STIM1: variants seen among roughly 807,000 people sequenced by gnomAD.
STIM1 encodes stromal interaction molecule 1.
Under a neutral mutation model 74.7 loss-of-function variants are expected in STIM1, and 25 were observed. That is an observed-to-expected ratio of 0.33 (90% confidence interval 0.24 to 0.47). STIM1 has a LOEUF of 0.47. Among genes scored for constraint, STIM1 ranks in the 20% least tolerant of loss-of-function variants. The pLI, the probability that STIM1 is intolerant of heterozygous loss-of-function variation, is 1.00. For synonymous variants in STIM1, 328 were observed against 348.8 expected (o/e 0.94, Z 0.66); for missense variants, 728 against 920.8 (o/e 0.79, Z 2.71).
intron 1 of STIM1, among the ~76,000 whole-genome samples, chr11:3,857,207 G>T (rs1445690339): frequency 1.3e-5 from 2 of 148,404 alleles, no homozygotes; most frequent in African/African-American, 5.0e-5. Context: ...TTATCAGGCA[G>T]CAGGAGCCCT....
At chr11:4,088,870 A>G in intron 12 of STIM1, 1 of 892,256 alleles carries the variant, frequency 1.1e-6, no homozygotes, top group Non-Finnish European at 1.7e-6. Context: ...ATATCTCCCT[A>G]GGCTTCCTCC....
intron 2 of STIM1, among the ~76,000 whole-genome samples, chr11:4,007,737 A>G (rs1345571905): frequency 6.6e-6 from 1 of 152,230 alleles, no homozygotes; most frequent in African/African-American, 2.4e-5. Context: ...TTTAGTGTAC[A>G]ACAGGAATTA....
chr11:4,060,966 A>G (rs2094326695), intron 5 of STIM1, among the ~76,000 whole-genome samples: 1 of 152,156 alleles, frequency 6.6e-6, no homozygotes, highest in South Asian at 2.1e-4. Context: ...CAGCTTACAC[A>G]TCTCTTTGTA....
chr11:3,865,197 C>G (rs1263421484), intron 1 of STIM1, among the ~76,000 whole-genome samples: 1 of 152,170 alleles, frequency 6.6e-6, no homozygotes, highest in Non-Finnish European at 1.5e-5. Flanking sequence ...GACTGAAATC[C>G]TAGTATGTGA....
In STIM1 at chr11:4,024,120, A is replaced by G. The variant is rs1590656911; in HGVS notation, c.385+133A>G. 8 of 732,446 alleles carry G rather than the reference A, an allele frequency of 1.1e-5. No individual in the cohort carries two copies. In the Middle Eastern group the frequency reaches 1.8e-3, roughly 165 times the overall value. The allele number at this position is 732,446 out of a possible 1,614,324, so 45.4% of individuals were successfully genotyped here. A position where few individuals can be genotyped will look rare whatever the true frequency, so the allele number is the denominator to read the frequency against. On this transcript the variant is annotated intron_variant, in intron 3 of 12. Transcript: ENST00000526596. Reference sequence around the variant, plus strand: ...AAATTATTGAAGTTATTCTACATATAGTCACTAAAAAAGACTGAATATAGT... The same window carrying G: ...AAATTATTGAAGTTATTCTACATATGGTCACTAAAAAAGACTGAATATAGT...
At chr11:3,987,010 T>A (rs936794978) in intron 2 of STIM1, among the ~76,000 whole-genome samples, 1 of 152,194 alleles carries the variant, frequency 6.6e-6, no homozygotes, top group African/African-American at 2.4e-5. Flanking sequence ...CTTGGTGTCT[T>A]GAGGAGGCAG....
chr11:4,012,397 C>T (rs1371603929), intron 2 of STIM1, among the ~76,000 whole-genome samples: 2 of 152,132 alleles, frequency 1.3e-5, no homozygotes, highest in African/African-American at 2.4e-5. Context: ...TCTTTTATTT[C>T]GTTGAGCAGT....
At chr11:4,076,724 T>C (rs79216496) in intron 7 of STIM1, among the ~76,000 whole-genome samples, 6,813 of 145,874 alleles carry the variant, frequency 0.047, 469 homozygotes, top group African/African-American at 0.15. Context: ...AGGAATCTCT[T>C]TTTTTTTTTT....
rs866927925 is a variant in STIM1, at chr11:3,892,882, A to C, written c.139+36473A>C. 17 of 1,550,980 alleles carry C rather than the reference A, an allele frequency of 1.1e-5. No individual in the cohort carries two copies. In the Middle Eastern group the frequency reaches 1.0e-3, roughly 92 times the overall value. On this transcript the variant is annotated intron_variant, in intron 1 of 12. Transcript: ENST00000526596. ...CAATGTCGAAGAACACGGTGGGGTT[A>C]ACCACGGCTGATAGTACGGGGCTCC...
Position 4,034,098 on chromosome 11 carries a change from G to A in STIM1, c.385+10111G>A, listed in dbSNP as rs925324712. ...ACAAAAATTAGCTGGTTGTGGTGGC[G>A]GGCGCCTGTAATCCCAGCTACTTGG... On this transcript the variant is annotated intron_variant, in intron 3 of 12. Transcript: ENST00000526596. Among the ~76,000 whole-genome samples the A allele has an allele frequency of 8.6e-5, 13 of 151,478 alleles. No homozygotes were observed. The East Asian group carries it at 1.6e-3, about 18-fold the overall frequency.
chr11:3,970,541 G>GC (rs2093382907), intron 2 of STIM1, among the ~76,000 whole-genome samples: 2 of 132,796 alleles, frequency 1.5e-5, no homozygotes, highest in African/African-American at 5.4e-5. Context: ...AGGACCTGAA[G>GC]GGTTTTTTTT....
intron 1 of STIM1, among the ~76,000 whole-genome samples, chr11:3,926,299 A>G (rs1397297108): frequency 6.6e-6 from 1 of 152,238 alleles, no homozygotes; most frequent in Non-Finnish European, 1.5e-5. Context: ...AGGAAAACTC[A>G]TATGTGGTAA....
At chr11:4,059,501 G>T in intron 5 of STIM1, 105 bp downstream of exon 5, 1 of 842,972 alleles carries the variant, frequency 1.2e-6, no homozygotes, top group Non-Finnish European at 2.0e-6. Context: ...ACACCTGCAA[G>T]ATAGCACCTA....
intron 12 of STIM1, 124 bp from the exon 13 acceptor site, chr11:4,091,158 G>A (rs533129437): frequency 1.9e-5 from 26 of 1,342,352 alleles, no homozygotes; most frequent in Middle Eastern, 2.3e-4. Flanking sequence ...CTCTCCTGCC[G>A]CTCTATCCCC....
At chr11:4,016,771 C>T (rs1439953450) in intron 2 of STIM1, among the ~76,000 whole-genome samples, 1 of 152,240 alleles carries the variant, frequency 6.6e-6, no homozygotes, top group East Asian at 1.9e-4. Context: ...CAAGCCTCAG[C>T]AATGGTGGAT....
chr11:3,856,450 G>C, intron 1 of STIM1, 41 bp downstream of exon 1: 1 of 1,602,382 alleles, frequency 6.2e-7, no homozygotes, highest in Non-Finnish European at 8.5e-7. Context: ...GGAGGCTTTG[G>C]CTCAGGACTG....
At chr11:4,086,678 C>A (rs2094495416) in intron 12 of STIM1, 135 bp downstream of exon 12, 2 of 1,543,200 alleles carry the variant, frequency 1.3e-6, no homozygotes, top group Non-Finnish European at 1.7e-6. Context: ...GCTGCTGCTT[C>A]TTGCTCCTCT....
At position 4,083,429 on chromosome 11, in the gene STIM1, G is replaced by C; in HGVS notation, c.1405G>C (p.Ala469Pro). ...SWMGSTRPNP[A>P]HFIMTDDVDD... ...GATGGGCAGTACACGCCCCAACCCT[G>C]CTCACTTCATCATGACTGACGACGT... The change falls in exon 10 of 13, where the codon GCT becomes CCT. Residue 469 changes from alanine to proline, a missense_variant. By Grantham distance (27) the Ala-to-Pro change is conservative (BLOSUM62 -1). Coordinates refer to ENST00000526596, the MANE Select transcript of STIM1 (RefSeq NM_001382567.1). The C allele has an allele frequency of 1.2e-6, 2 of 1,614,240 alleles. No individual in the cohort carries two copies. The highest frequency in any genetic ancestry group is 1.7e-6 in the Non-Finnish European group (2 of 1,180,050).
intron 6 of STIM1, among the ~76,000 whole-genome samples, chr11:4,072,290 G>C (rs2094408940): frequency 6.6e-6 from 1 of 152,098 alleles, no homozygotes; most frequent in African/African-American, 2.4e-5. Context: ...CATGCCACCT[G>C]GTTCCTCCTT....
Sources: gnomAD v4.1 joint callset for allele counts (sites outside exome capture counted in the v4.1 genomes callset) on GRCh38, gnomAD v4.1.1 for gene constraint, MANE v1.5 for transcripts, NCBI Gene and HGNC (gene_info 2026-07-23, HGNC 2026-07-21) for gene names.